SPTBN5: variants seen among roughly 807,000 people sequenced by gnomAD.
SPTBN5 encodes spectrin beta chain, non-erythrocytic 5.
SPTBN5 carries 513 observed loss-of-function variants against 477.6 expected under a neutral mutation model. That is an observed-to-expected ratio of 1.07 (90% CI 1.00 to 1.16). The LOEUF (loss-of-function observed/expected upper bound fraction) is 1.16. Ranked by LOEUF, SPTBN5 falls within the 50% of genes most tolerant of loss-of-function variation. The pLI, the probability that SPTBN5 is intolerant of heterozygous loss-of-function variation, is 0.00. For synonymous variants in SPTBN5, 2,169 were observed against 2,011.7 expected (o/e 1.08, Z -2.09); for missense variants, 5,062 against 4,731.8 (o/e 1.07, Z -2.05).
At chr15:41,882,491 G>T in intron 10 of SPTBN5, 22 bp from the exon 11 acceptor site, 1 of 1,561,722 alleles carries the variant, frequency 6.4e-7, no homozygotes, top group East Asian at 2.4e-5. Context: ...CAGAGCAGGG[G>T]GCTCAGTGAA....
intron 64 of SPTBN5, 41 bp downstream of exon 64, chr15:41,851,242 C>T (rs369636363): frequency 6.4e-7 from 1 of 1,555,326 alleles, no homozygotes; most frequent in Non-Finnish European, 8.7e-7. Context: ...CCTTGCTTCC[C>T]AGCACCCTGA....
Position 41,871,500 on chromosome 15 carries a change from T to C in SPTBN5, c.5322A>G (p.Ala1774=), listed in dbSNP as rs868216878. 6.6e-7 allele frequency: 1 copy of C among 1,512,938 alleles called. No individual in the cohort carries two copies. The highest frequency in any genetic ancestry group is 8.9e-7 in the Non-Finnish European group (1 of 1,129,400). The allele number at this position is 1,512,938 out of a possible 1,614,324, so 93.7% of individuals were successfully genotyped here. The change falls in exon 29 of 68, where the codon GCA becomes GCG. Residue 1774 remains alanine, a synonymous_variant. Transcript: ENST00000320955. ...CCATCTCCACTTGGTGCTGAAACTTTGCAAACTTGGTGCAGAGGTGCTGAG... is the reference window on the plus strand; with the variant it reads ...CCATCTCCACTTGGTGCTGAAACTTCGCAAACTTGGTGCAGAGGTGCTGAG... ...EHALHLCTKF[A]KFQHQVEMGS...
rs756510106 is a variant in SPTBN5 at position 41,879,851 on chromosome 15, G to A, written c.2825C>T (p.Ala942Val). 6 of 1,613,940 alleles carry A rather than the reference G, an allele frequency of 3.7e-6. No homozygotes were observed. Among genetic ancestry groups the A allele is most frequent in the Middle Eastern group, 1.7e-4 (1 of 6,060 alleles). ...MQLKYENFLT[A>V]LAVGKGLWAE... The stretch of plus-strand genomic sequence containing the variant: ...CCAGAGGCCCTTTCCCACAGCCAGG[G>A]CAGTGAGGAAGTTCTAGGGAAAAGG... The change falls in exon 15 of 68, where the codon GCC becomes GTC. Residue 942 changes from alanine (A) to valine (V), a missense_variant. By Grantham distance (64) the Ala-to-Val change is moderately conservative. Coordinates refer to ENST00000320955, the MANE Select transcript of SPTBN5 (RefSeq NM_016642.4).
intron 26 of SPTBN5, among the ~76,000 whole-genome samples, 186 bp from the exon 27 acceptor site, chr15:41,872,645 T>A (rs1014063797): frequency 9.2e-5 from 14 of 152,198 alleles, no homozygotes; most frequent in Non-Finnish European, 1.8e-4. Flanking sequence ...GAGTAAGTAC[T>A]TATTGTTCCA....
rs994024593 is a variant in SPTBN5, at chr15:41,848,297, C to T, written c.*319G>A. 5.5e-5 allele frequency: 29 copies of T among 527,406 alleles called. No individual in the cohort carries two copies. Among genetic ancestry groups the T allele is most frequent in the Admixed American group, 3.5e-4 (11 of 31,224 alleles). 32.7% of individuals were successfully genotyped at this position (527,406 alleles called of 1,614,324 possible). On this transcript the variant is annotated 3_prime_UTR_variant, in exon 68 of 68. Transcript: ENST00000320955. ...CTGCACACGTCTGCGTCTACCTGTGCTCAGAGTCACCCCTTCCAAGCAAGG... is the reference window on the plus strand; with the variant it reads ...CTGCACACGTCTGCGTCTACCTGTGTTCAGAGTCACCCCTTCCAAGCAAGG...
At chr15:41,888,166 C>A in intron 4 of SPTBN5, 81 bp from the exon 5 acceptor site, 2 of 1,407,670 alleles carry the variant, frequency 1.4e-6, no homozygotes, top group Admixed American at 2.1e-5. Context: ...GAGAGGCAGG[C>A]TGGCCACAGC....
rs1306139900 is a variant in SPTBN5, at chr15:41,876,614, C to T, written c.3885G>A (p.Gln1295=). 1 of 1,516,736 alleles carries T rather than the reference C, an allele frequency of 6.6e-7. No individual in the cohort carries two copies. The highest frequency in any genetic ancestry group is 1.8e-5 in the Admixed American group (1 of 55,760). The allele number at this position is 1,516,736 out of a possible 1,614,324, so 94.0% of individuals were successfully genotyped here. Residue 1295 remains glutamine (Q), a synonymous_variant, in exon 20 of 68, where the codon CAG becomes CAA. Coordinates refer to ENST00000320955, the MANE Select transcript of SPTBN5 (RefSeq NM_016642.4). The part of the protein sequence containing the change: ...VREQLQSIQA[Q]WTRLQGRSEQ... ...CACTCCTCCCCTGGAGCCTGGTCCA[C>T]TGTGCCTGGATACTCTGCAGCTGCT... is the stretch of plus-strand genomic sequence containing the variant.
intron 26 of SPTBN5, among the ~76,000 whole-genome samples, chr15:41,873,177 GTGACCT>G (rs899048249): frequency 3.9e-5 from 6 of 152,190 alleles, no homozygotes; most frequent in African/African-American, 1.4e-4. Flanking sequence ...GGCTGGGCAG[GTGACCT>G]TGACAGAGGA....
At position 41,866,246 on chromosome 15, in the gene SPTBN5, G is replaced by A; in HGVS notation, c.6631-17C>T. On this transcript the variant is annotated splice_polypyrimidine_tract_variant and intron_variant, in intron 37 of 67. Coordinates refer to ENST00000320955, the MANE Select transcript of SPTBN5 (RefSeq NM_016642.4). ...CTCTCCCTTCTGGAGGGAGAGAGGG[G>A]ACACAGGACATCTTGCCTGCTGCAC... The A allele has an allele frequency of 1.9e-6, 3 of 1,583,394 alleles. No individual in the cohort carries two copies. The highest frequency in any genetic ancestry group is 2.6e-6 in the Non-Finnish European group (3 of 1,165,338).
rs371366300 is a variant in SPTBN5 at position 41,862,086 on chromosome 15, G to A, written c.7548+44C>T. Reference sequence around the variant, plus strand: ...GATGAGAGGAAGGGGAGGGCAGGGCGGAGCTGAGAGCCTGGGAAAGGCTTG... The same window carrying A: ...GATGAGAGGAAGGGGAGGGCAGGGCAGAGCTGAGAGCCTGGGAAAGGCTTG... On this transcript the variant is annotated intron_variant, in intron 44 of 67. Transcript: ENST00000320955. 8.1e-5 allele frequency: 113 copies of A among 1,400,158 alleles called. No homozygotes were observed. In the African/African-American group the frequency reaches 9.9e-4, roughly 12 times the overall value. The allele number at this position is 1,400,158 out of a possible 1,614,324, so 86.7% of individuals were successfully genotyped here.
At position 41,848,208 on chromosome 15, in the gene SPTBN5, T is replaced by A; in HGVS notation, c.*408A>T. 1 of 508,532 alleles carries A rather than the reference T, an allele frequency of 2.0e-6. No individual in the cohort carries two copies. The highest frequency in any genetic ancestry group is 3.6e-6 in the Non-Finnish European group (1 of 281,246). 31.5% of individuals were successfully genotyped at this position (508,532 alleles called of 1,614,324 possible). A position where few individuals can be genotyped will look rare whatever the true frequency, so the allele number is the denominator to read the frequency against. ...GGCCATGTCATTCTAGGCTCTTGGC[T>A]GTACATGGCAAGGGCTGGTACAGAG... On this transcript the variant is annotated 3_prime_UTR_variant, in exon 68 of 68. Coordinates refer to ENST00000320955, the MANE Select transcript of SPTBN5 (RefSeq NM_016642.4).
At chr15:41,853,037 T>TAGGGCTCCCACCATGGGC in intron 59 of SPTBN5, 37 bp from the exon 60 acceptor site, 6 of 1,478,724 alleles carry the variant, frequency 4.1e-6, no homozygotes, top group Non-Finnish European at 5.4e-6. Flanking sequence ...ACAGCTTGGG[T>TAGGGCTCCCACCATGGGC]AGGGCTCCCA....
In SPTBN5 at chr15:41,893,080, TA is replaced by T; in HGVS notation, c.217-20del. The T allele has an allele frequency of 6.2e-7, 1 of 1,607,208 alleles. No homozygotes were observed. ...TGCCCGCCTGGGGAGGGGACAGGGG[TA>T]AGTATGGGGTCAGCCCAGCCTCACC... On this transcript the variant is annotated intron_variant, in intron 2 of 67. Transcript: ENST00000320955.
intron 37 of SPTBN5, 44 bp downstream of exon 37, chr15:41,866,300 G>T: frequency 6.4e-7 from 1 of 1,572,606 alleles, no homozygotes; most frequent in Non-Finnish European, 8.6e-7. Flanking sequence ...TTGCCCCTGG[G>T]CCACACTTTG....
chr15:41,886,710 C>G (rs557855217), intron 6 of SPTBN5, among the ~76,000 whole-genome samples: 5 of 152,278 alleles, frequency 3.3e-5, no homozygotes, highest in Admixed American at 6.5e-5. Flanking sequence ...TAAAGCAGCT[C>G]ACAGCCCTTG....
Position 41,868,621 on chromosome 15 carries a change from G to A in SPTBN5, c.5854-20C>T. 2.5e-6 allele frequency: 4 copies of A among 1,593,528 alleles called. No individual in the cohort carries two copies. Among genetic ancestry groups the A allele is most frequent in the Non-Finnish European group, 3.4e-6 (4 of 1,175,290 alleles). ...ACGCACCTGATCCCGGGGACACGGA[G>A]GGAGAGCCGGGTGAGGGCTGGGCTG... On this transcript the variant is annotated intron_variant, in intron 32 of 67. Transcript: ENST00000320955.
chr15:41,850,948 C>CAT lies in SPTBN5; in HGVS notation c.10836-10_10836-9insAT, dbSNP rs2065734599. The CAT allele has an allele frequency of 1.3e-6, 2 of 1,491,082 alleles. No homozygotes were observed. The highest frequency in any genetic ancestry group is 4.9e-5 in the East Asian group (2 of 41,232). The allele number at this position is 1,491,082 out of a possible 1,614,324, so 92.4% of individuals were successfully genotyped here. ...CTGCCCCACTGGTCAGCCTGGCACC[C>CAT]ACAGTCACAGGTCAAACTCCACTGT... On this transcript the variant is annotated splice_polypyrimidine_tract_variant and intron_variant, in intron 65 of 67. Coordinates refer to ENST00000320955, the MANE Select transcript of SPTBN5 (RefSeq NM_016642.4).
Position 41,874,337 on chromosome 15 carries a change from A to G in SPTBN5, c.4644T>C (p.Tyr1548=), listed in dbSNP as rs1447887643. The part of the protein sequence containing the change: ...EHMPHGSPTS[Y]TECLNGAQSL... ...TCTGGGCACCATTCAAGCACTCGGT[A>G]TAGCTGGTGGGGCTGCCATGGGGCA... The change falls in exon 24 of 68, where the codon TAT becomes TAC. Residue 1548 remains tyrosine, a synonymous_variant. Transcript: ENST00000320955. 1.2e-6 allele frequency: 2 copies of G among 1,613,874 alleles called. No individual in the cohort carries two copies. The highest frequency in any genetic ancestry group is 1.7e-6 in the Non-Finnish European group (2 of 1,179,868).
In SPTBN5 at chr15:41,853,589, C is replaced by A; in HGVS notation, c.9973G>T (p.Glu3325Ter). 6.4e-7 allele frequency: 1 copy of A among 1,573,356 alleles called. No homozygotes were observed. The highest frequency in any genetic ancestry group is 8.6e-7 in the Non-Finnish European group (1 of 1,156,852). ...QGHAFLGRCQ[E>*]LLAWAQERQE... The stretch of plus-strand genomic sequence containing the variant: ...CTGAGGTAGGACACCTACAGCAGTT[C>A]CTGGCAGCGCCCGAGGAAGGCATGG... The change falls in exon 58 of 68, where the codon GAA becomes TAA. Residue 3325 changes from glutamate (E) to a stop codon, truncating the protein, a stop_gained. Transcript: ENST00000320955. LOFTEE classifies it high-confidence loss of function.
Sources: gnomAD v4.1 joint callset for allele counts (sites outside exome capture counted in the v4.1 genomes callset) on GRCh38, gnomAD v4.1.1 for gene constraint, MANE v1.5 for transcripts, NCBI Gene and HGNC (gene_info 2026-07-23, HGNC 2026-07-21) for gene names.